The following FBXO25 variants were observed in gnomAD, a reference collection of about 807,000 sequenced individuals.
The protein encoded by FBXO25 is F-box only protein 25.
FBXO25 carries 45 observed loss-of-function variants against 51.9 expected under a neutral mutation model. The observed-to-expected ratio is 0.87, with a 90% CI of 0.68 to 1.11. The LOEUF (loss-of-function observed/expected upper bound fraction) is 1.11. FBXO25 is among the 50% of genes most tolerant of loss of function. The probability of loss-of-function intolerance (pLI) is 0.00; values close to 1 mark genes in which losing one functional copy is unlikely to be tolerated. For synonymous variants in FBXO25, 199 were observed against 151.0 expected, an observed-to-expected ratio of 1.32 and a Z score of -2.33; for missense variants, 507 against 428.5, an observed-to-expected ratio of 1.18 and a Z score of -1.62.
intron 2 of FBXO25, among the ~76,000 whole-genome samples, chr8:419,031 A>C (rs1415036250): frequency 6.6e-6 from 1 of 152,234 alleles, no homozygotes; most frequent in Admixed American, 6.5e-5. Context: ...GATGAACTTC[A>C]TATTAAAAAC....
chr8:462,040 G>T (rs983589506), intron 8 of FBXO25, among the ~76,000 whole-genome samples: 2 of 152,194 alleles, frequency 1.3e-5, no homozygotes, highest in East Asian at 1.9e-4. Flanking sequence ...GAGTCATATG[G>T]TGGATTCTGT....
chr8:428,312 C>T (rs1387879262), intron 2 of FBXO25, among the ~76,000 whole-genome samples: 1 of 152,038 alleles, frequency 6.6e-6, no homozygotes, highest in Admixed American at 6.5e-5. Context: ...GGGCTGTTAG[C>T]TCCATCATTC....
chr8:462,860 T>G (rs758835879), intron 8 of FBXO25, 147 bp from the exon 9 acceptor site: 57 of 890,352 alleles, frequency 6.4e-5, no homozygotes, highest in Non-Finnish European at 9.1e-5. Flanking sequence ...AATTCATCCA[T>G]GTAACCAAAA....
chr8:421,309 A>G (rs1302974451), intron 2 of FBXO25, among the ~76,000 whole-genome samples: 7 of 152,206 alleles, frequency 4.6e-5, no homozygotes, highest in Non-Finnish European at 1.0e-4. Context: ...AGTGTCTTCT[A>G]AGAAATTGGT....
In FBXO25 at chr8:474,964, T is replaced by C. The variant is rs892994478; in HGVS notation, c.*6160T>C. The C allele has an allele frequency of 4.9e-6, 2 of 410,644 alleles. No homozygotes were observed. The highest frequency in any genetic ancestry group is 4.2e-5 in the African/African-American group (2 of 47,736). The allele number at this position is 410,644 out of a possible 1,614,324, so 25.4% of individuals were successfully genotyped here. On this transcript the variant is annotated 3_prime_UTR_variant, in exon 10 of 10. Transcript: ENST00000350302. ...GATTGCCTTTCACTCTGTTTTGTTCTTTGATGTACAGAAGTTGTTTCTTTC... is the reference window on the plus strand; with the variant it reads ...GATTGCCTTTCACTCTGTTTTGTTCCTTGATGTACAGAAGTTGTTTCTTTC...
intron 9 of FBXO25, chr8:467,850 T>A: frequency 1.9e-6 from 3 of 1,592,532 alleles, no homozygotes; most frequent in South Asian, 2.2e-5. Context: ...CGATTCCAGC[T>A]CTCGCTGACT....
intron 7 of FBXO25, among the ~76,000 whole-genome samples, chr8:451,747 A>T (rs1799114601): frequency 6.6e-6 from 1 of 152,244 alleles, no homozygotes; most frequent in South Asian, 2.1e-4. Context: ...TTAGAATAAC[A>T]TTCAGTAAAT....
rs184205590 is a variant in FBXO25, at chr8:474,936, G to A, written c.*6132G>A. 161 of 449,582 alleles carry A rather than the reference G, an allele frequency of 3.6e-4. No homozygotes were observed. The highest frequency in any genetic ancestry group is 5.4e-4 in the Non-Finnish European group (123 of 225,730). The allele number at this position is 449,582 out of a possible 1,614,324, so 27.8% of individuals were successfully genotyped here. ...ATTTTAAAATACTTTGTCCCATTCC[G>A]TGGATTGCCTTTCACTCTGTTTTGT... On this transcript the variant is annotated 3_prime_UTR_variant, in exon 10 of 10. Coordinates refer to ENST00000350302, the MANE Select transcript of FBXO25 (RefSeq NM_183420.2).
chr8:464,571 T>C (rs1018873350), intron 9 of FBXO25, among the ~76,000 whole-genome samples: 4 of 152,218 alleles, frequency 2.6e-5, no homozygotes, highest in African/African-American at 9.6e-5. Flanking sequence ...TGTGATTACT[T>C]TTTTTGCTTT....
At chr8:436,857 A>T (rs189203623) in intron 5 of FBXO25, among the ~76,000 whole-genome samples, 23 of 152,292 alleles carry the variant, frequency 1.5e-4, no homozygotes, top group African/African-American at 5.3e-4. Flanking sequence ...ACATAAAAGG[A>T]TTTAATTCTT....
chr8:411,018 T>C (rs185940961), intron 1 of FBXO25, among the ~76,000 whole-genome samples: 25 of 152,320 alleles, frequency 1.6e-4, no homozygotes, highest in Non-Finnish European at 1.5e-5. Context: ...TAATAGCTTG[T>C]TTTTTGTTAA....
intron 9 of FBXO25, among the ~76,000 whole-genome samples, chr8:466,062 A>G (rs1208488425): frequency 6.6e-6 from 1 of 152,184 alleles, no homozygotes; most frequent in Non-Finnish European, 1.5e-5. Flanking sequence ...CACTGTAGCT[A>G]CAGTGAGTGG....
chr8:432,670 T>C lies in FBXO25; in HGVS notation c.239-216T>C, dbSNP rs1417521351. On this transcript the variant is annotated intron_variant, in intron 3 of 9. Transcript: ENST00000350302. ...TAATAATACTAATTTTCTTCTAAGTTACTAGGACTTGGTACTGTCTGAAAT... is the reference window on the plus strand; with the variant it reads ...TAATAATACTAATTTTCTTCTAAGTCACTAGGACTTGGTACTGTCTGAAAT... Among the ~76,000 whole-genome samples the C allele has an allele frequency of 2.6e-5, 4 of 152,332 alleles. No individual in the cohort carries two copies. In the East Asian group the frequency reaches 5.8e-4, roughly 22 times the overall value.
intron 5 of FBXO25, among the ~76,000 whole-genome samples, chr8:438,298 A>G (rs1364140120): frequency 6.6e-6 from 1 of 152,146 alleles, no homozygotes. Context: ...ACCTCAAGTG[A>G]TCCACCTGCC....
chr8:467,906 C>T, intron 9 of FBXO25: 1 of 1,496,434 alleles, frequency 6.7e-7, no homozygotes, highest in Non-Finnish European at 8.9e-7. Flanking sequence ...CCACTTTGAT[C>T]AAACACCTCA....
intron 2 of FBXO25, among the ~76,000 whole-genome samples, chr8:422,721 G>T (rs1260176353): frequency 6.6e-6 from 1 of 152,176 alleles, no homozygotes; most frequent in African/African-American, 2.4e-5. Context: ...GAGGCATCAC[G>T]TAGTCTGACT....
chr8:460,033 G>C (rs1001166710), intron 8 of FBXO25, among the ~76,000 whole-genome samples: 1 of 152,126 alleles, frequency 6.6e-6, no homozygotes, highest in African/African-American at 2.4e-5. Flanking sequence ...ATTGGGCATG[G>C]GGGAGGGGGT....
chr8:408,384 C>T (rs1489725473), intron 1 of FBXO25, among the ~76,000 whole-genome samples: 2 of 151,804 alleles, frequency 1.3e-5, no homozygotes, highest in Non-Finnish European at 2.9e-5. Context: ...ATAGGGTTTT[C>T]AGGAACTGCT....
rs1232143120 is a variant in FBXO25 at position 473,009 on chromosome 8, A to G, written c.*4205A>G. ...AGGGATTAGCAACAGGTAGGAGGAAAAAGAAGGACCTGCATACATGACTAA... is the reference window on the plus strand; with the variant it reads ...AGGGATTAGCAACAGGTAGGAGGAAGAAGAAGGACCTGCATACATGACTAA... On this transcript the variant is annotated 3_prime_UTR_variant, in exon 10 of 10. Transcript: ENST00000350302. 1 of 152,516 alleles carries G rather than the reference A, an allele frequency of 6.6e-6. No individual in the cohort carries two copies. The highest frequency in any genetic ancestry group is 2.1e-4 in the South Asian group (1 of 4,830). The allele number at this position is 152,516 out of a possible 1,614,324, so 9.4% of individuals were successfully genotyped here.
Sources: allele counts gnomAD v4.1 joint callset (sites outside exome capture counted in the v4.1 genomes callset), GRCh38; gene constraint gnomAD v4.1.1; transcripts MANE v1.5; gene names NCBI Gene and HGNC (gene_info 2026-07-23, HGNC 2026-07-21).